Variants in KIF5C observed in about 807,000 individuals in gnomAD.
KIF5C encodes kinesin family member 5C, also known as kinesin heavy chain isoform 5C.
A neutral mutation model predicts 125.2 loss-of-function variants in KIF5C; 18 were observed. That is an observed-to-expected ratio of 0.14 (90% CI 0.10 to 0.21). KIF5C has a LOEUF of 0.21. Ranked by LOEUF, KIF5C falls within the 10% of genes least tolerant of loss-of-function variation. The probability of loss-of-function intolerance (pLI) is 1.00; values close to 1 mark genes in which losing one functional copy is unlikely to be tolerated. For missense variants in KIF5C, 780 were observed against 1,183.8 expected (o/e 0.66, Z 5.01); for synonymous variants, 405 against 434.0 (o/e 0.93, Z 0.83).
At chr2:149,019,323 G>C (rs187132184) in intron 25 of KIF5C, among the ~76,000 whole-genome samples, 1 of 152,272 alleles carries the variant, frequency 6.6e-6, no homozygotes, top group East Asian at 1.9e-4. Context: ...AAGAATACCT[G>C]GCAAAAATTA....
At chr2:148,961,225 A>AT (rs1385377365) in intron 10 of KIF5C, among the ~76,000 whole-genome samples, 2 of 151,882 alleles carry the variant, frequency 1.3e-5, no homozygotes, top group African/African-American at 4.8e-5. Flanking sequence ...ACAGTTTCTG[A>AT]TTTTTCTTGG....
chr2:148,919,120 T>C (rs147279484), intron 1 of KIF5C, among the ~76,000 whole-genome samples: 1 of 152,324 alleles, frequency 6.6e-6, no homozygotes, highest in African/African-American at 2.4e-5. Flanking sequence ...GACACCTAAA[T>C]GGAAATGTCT....
intron 19 of KIF5C, among the ~76,000 whole-genome samples, chr2:148,999,467 G>A (rs1279649598): frequency 6.6e-6 from 1 of 152,186 alleles, no homozygotes; most frequent in African/African-American, 2.4e-5. Flanking sequence ...TTTTAAAAGA[G>A]GAGAATGGTA....
rs984600137 is a variant in KIF5C at position 148,981,240 on chromosome 2, T to C, written c.1363-115T>C. 11 of 1,424,644 alleles carry C rather than the reference T, an allele frequency of 7.7e-6. No individual in the cohort carries two copies. The African/African-American group carries it at 1.6e-4, about 21-fold the overall frequency. The allele number at this position is 1,424,644 out of a possible 1,614,324, so 88.3% of individuals were successfully genotyped here. On this transcript the variant is annotated intron_variant, in intron 13 of 25. Coordinates refer to ENST00000435030, the MANE Select transcript of KIF5C (RefSeq NM_004522.3). ...AGTGGGGTTTCCCATCATCCTGAAC[T>C]TTTTCAACTTGTTTTCTTATATCTG...
chr2:148,939,074 G>A (rs1290504536), intron 4 of KIF5C, among the ~76,000 whole-genome samples: 1 of 146,050 alleles, frequency 6.8e-6, no homozygotes, highest in Non-Finnish European at 1.5e-5. Flanking sequence ...TAGCCTGGGC[G>A]ACAGAGAGAG....
chr2:148,888,495 C>T (rs574114945), intron 1 of KIF5C: 4 of 152,228 alleles, frequency 2.6e-5, no homozygotes, highest in African/African-American at 9.6e-5. Context: ...TCACAGGTGC[C>T]TCTTTTTGTC....
intron 25 of KIF5C, among the ~76,000 whole-genome samples, chr2:149,021,310 G>A (rs1296140777): frequency 4.6e-5 from 7 of 152,088 alleles, no homozygotes; most frequent in African/African-American, 9.7e-5. Context: ...TGATCCACCC[G>A]CGTTGGCCTC....
chr2:149,011,352 G>A (rs1682190060), intron 24 of KIF5C, among the ~76,000 whole-genome samples: 1 of 152,192 alleles, frequency 6.6e-6, no homozygotes, highest in African/African-American at 2.4e-5. Context: ...GCTAATTGAT[G>A]TTTAAGTTCT....
rs1301822274 is a variant in KIF5C at position 148,942,536 on chromosome 2, A to G, written c.502-137A>G. On this transcript the variant is annotated intron_variant, in intron 6 of 25. Coordinates refer to ENST00000435030, the MANE Select transcript of KIF5C (RefSeq NM_004522.3). ...AGAATTCAAGCCCTGGGCAAGGAGGAAAAGTTGTTGGATCGATATTTCAGC... is the reference window on the plus strand; with the variant it reads ...AGAATTCAAGCCCTGGGCAAGGAGGGAAAGTTGTTGGATCGATATTTCAGC... The G allele has an allele frequency of 4.9e-6, 7 of 1,426,804 alleles. No homozygotes were observed. The African/African-American group carries it at 1.0e-4, about 20-fold the overall frequency. The allele number at this position is 1,426,804 out of a possible 1,614,324, so 88.4% of individuals were successfully genotyped here.
chr2:148,892,100 G>A (rs1361400186), intron 1 of KIF5C, among the ~76,000 whole-genome samples: 3 of 152,228 alleles, frequency 2.0e-5, no homozygotes, highest in African/African-American at 7.2e-5. Flanking sequence ...TAAGCAAGTT[G>A]CTGAAGGTCA....
chr2:148,875,789 C>G (rs117284722), intron 1 of KIF5C, 46 bp downstream of exon 1: 1 of 1,568,504 alleles, frequency 6.4e-7, no homozygotes, highest in African/African-American at 1.4e-5. Flanking sequence ...CGCGCCGCAG[C>G]TGGGCGCCCC....
At chr2:148,987,353 T>C (rs1681406027) in intron 15 of KIF5C, among the ~76,000 whole-genome samples, 1 of 152,148 alleles carries the variant, frequency 6.6e-6, no homozygotes, top group Admixed American at 6.5e-5. Flanking sequence ...ATGAAGGCTG[T>C]GTGCAGCCTT....
At chr2:148,995,856 A>G (rs989766190) in intron 17 of KIF5C, among the ~76,000 whole-genome samples, 1 of 152,238 alleles carries the variant, frequency 6.6e-6, no homozygotes, top group Non-Finnish European at 1.5e-5. Context: ...GGTTATAACT[A>G]TTAAAAATGA....
chr2:148,978,166 G>T (rs1017119232), intron 12 of KIF5C, among the ~76,000 whole-genome samples: 12 of 152,056 alleles, frequency 7.9e-5, no homozygotes, highest in Non-Finnish European at 2.9e-5. Context: ...CACTGGGGGT[G>T]GACTGAGTCT....
intron 24 of KIF5C, 88 bp from the exon 25 acceptor site, chr2:149,011,482 G>A: frequency 6.6e-7 from 1 of 1,518,804 alleles, no homozygotes; most frequent in East Asian, 2.4e-5. Context: ...GTGACTTTTA[G>A]TTGTCACAGG....
At chr2:148,891,608 G>T (rs1231131295) in intron 1 of KIF5C, among the ~76,000 whole-genome samples, 1 of 152,176 alleles carries the variant, frequency 6.6e-6, no homozygotes, top group Admixed American at 6.5e-5. Context: ...TTCCTCGCTT[G>T]TGAAATATTG....
intron 1 of KIF5C, among the ~76,000 whole-genome samples, chr2:148,908,928 G>A (rs1681222253): frequency 6.6e-6 from 1 of 152,200 alleles, no homozygotes; most frequent in African/African-American, 2.4e-5. Context: ...GATGAGGCCA[G>A]TATGGCACAA....
intron 3 of KIF5C, among the ~76,000 whole-genome samples, chr2:148,931,297 A>G (rs1177119795): frequency 6.6e-6 from 1 of 152,210 alleles, no homozygotes; most frequent in African/African-American, 2.4e-5. Context: ...TTTAAGCTGT[A>G]AGACATCAAG....
chr2:148,991,514 C>A (rs1329138017), intron 16 of KIF5C, among the ~76,000 whole-genome samples: 1 of 151,890 alleles, frequency 6.6e-6, no homozygotes, highest in Admixed American at 6.6e-5. Context: ...AGGCAATATT[C>A]CCTCATCTTT....
Sources: allele counts gnomAD v4.1 joint callset (sites outside exome capture counted in the v4.1 genomes callset), GRCh38; gene constraint gnomAD v4.1.1; transcripts MANE v1.5; gene names NCBI Gene and HGNC (gene_info 2026-07-23, HGNC 2026-07-21).